The following HPSE2 variants were observed in gnomAD, a reference collection of about 807,000 sequenced individuals.
The protein encoded by HPSE2 is inactive heparanase-2.
Under a neutral mutation model 60.5 loss-of-function variants are expected in HPSE2, and 38 were observed. That is an observed-to-expected ratio of 0.63 (90% CI 0.48 to 0.82). The LOEUF is 0.82. HPSE2 is among the 40% of genes least tolerant of loss of function. The pLI is 0.00. For missense variants in HPSE2, 713 were observed against 740.4 expected, an observed-to-expected ratio of 0.96 and a Z score of 0.43; for synonymous variants, 295 against 293.2, an observed-to-expected ratio of 1.01 and a Z score of -0.06.
chr10:98,466,256 G>GT (rs2133591537), intron 11 of HPSE2, among the ~76,000 whole-genome samples: 2 of 152,324 alleles, frequency 1.3e-5, no homozygotes, highest in East Asian at 3.9e-4. Flanking sequence ...TTGGGAGCTG[G>GT]TGTGTAGTTC....
chr10:98,719,701 TAA>T (rs562725586), intron 5 of HPSE2, among the ~76,000 whole-genome samples: 33 of 107,220 alleles, frequency 3.1e-4, no homozygotes, highest in Non-Finnish European at 3.8e-4. Flanking sequence ...GATGTTGCAT[TAA>T]AAAAAAAAAA....
Position 98,475,419 on chromosome 10 carries a change from C to T in HPSE2, c.1613+7217G>A, listed in dbSNP as rs78610100. ...CAGGCGTGAGCCACCGTGCCCAGCC[C>T]GGGACCATAATTCTTTTAAAATTTT... On this transcript the variant is annotated intron_variant, in intron 11 of 11. Coordinates refer to ENST00000370552, the MANE Select transcript of HPSE2 (RefSeq NM_021828.5). 1.4e-3 allele frequency among the ~76,000 whole-genome samples: 220 copies of T among 152,004 alleles called. 2 individuals carry two copies. In the East Asian group the frequency reaches 0.035, roughly 24 times the overall value.
intron 8 of HPSE2, among the ~76,000 whole-genome samples, chr10:98,616,320 T>C (rs1264456918): frequency 6.6e-6 from 1 of 152,170 alleles, no homozygotes; most frequent in Non-Finnish European, 1.5e-5. Context: ...ATGTCTGAAC[T>C]TGTACCGCAA....
At chr10:98,874,557 C>T (rs183278937) in intron 3 of HPSE2, among the ~76,000 whole-genome samples, 1 of 152,074 alleles carries the variant, frequency 6.6e-6, no homozygotes, top group African/African-American at 2.4e-5. Flanking sequence ...TGTCTGCAAA[C>T]AGAGACAATT....
intron 2 of HPSE2, among the ~76,000 whole-genome samples, chr10:99,172,141 G>A (rs957843672): frequency 1.3e-5 from 2 of 152,342 alleles, no homozygotes; most frequent in East Asian, 3.9e-4. Context: ...CATCCAGATA[G>A]TGAGCCTAGT....
chr10:99,168,264 C>T (rs1257190569), intron 2 of HPSE2, among the ~76,000 whole-genome samples: 4 of 152,048 alleles, frequency 2.6e-5, no homozygotes, highest in Non-Finnish European at 5.9e-5. Flanking sequence ...TTATAATTTC[C>T]TCTATTAAAA....
At chr10:99,048,320 AT>A (rs879518478) in intron 3 of HPSE2, 1 of 407,932 alleles carries the variant, frequency 2.5e-6, no homozygotes, top group Non-Finnish European at 4.6e-6. Flanking sequence ...CACCCATTTT[AT>A]TTTTCTAAGC....
intron 3 of HPSE2, among the ~76,000 whole-genome samples, chr10:98,810,572 C>A (rs1320999059): frequency 1.3e-5 from 2 of 152,078 alleles, no homozygotes; most frequent in Non-Finnish European, 2.9e-5. Flanking sequence ...GTATGAGCTT[C>A]ATTAACTTCA....
At chr10:99,219,905 T>C (rs1200077985) in intron 2 of HPSE2, among the ~76,000 whole-genome samples, 1 of 152,244 alleles carries the variant, frequency 6.6e-6, no homozygotes, top group Non-Finnish European at 1.5e-5. Flanking sequence ...GTTGGCTGAT[T>C]AGTATTCAAA....
At chr10:99,195,840 C>G (rs1331884584) in intron 2 of HPSE2, among the ~76,000 whole-genome samples, 2 of 107,248 alleles carry the variant, frequency 1.9e-5, no homozygotes, top group African/African-American at 5.1e-5. Context: ...ACATTCTTCA[C>G]CAAAATAAAA....
chr10:98,492,221 T>C (rs536650233), intron 9 of HPSE2, among the ~76,000 whole-genome samples: 4 of 152,308 alleles, frequency 2.6e-5, no homozygotes, highest in African/African-American at 7.2e-5. Flanking sequence ...AAAAGAGATA[T>C]TATGTTTACG....
At chr10:99,177,042 A>T (rs1284218944) in intron 2 of HPSE2, among the ~76,000 whole-genome samples, 1 of 152,194 alleles carries the variant, frequency 6.6e-6, no homozygotes, top group Non-Finnish European at 1.5e-5. Context: ...GTGAAGAAGA[A>T]ATAAAATCCT....
intron 3 of HPSE2, among the ~76,000 whole-genome samples, chr10:99,135,245 C>T (rs1318333500): frequency 1.3e-5 from 2 of 152,118 alleles, no homozygotes; most frequent in African/African-American, 4.8e-5. Context: ...TAGACTCCCA[C>T]ACAATAACAG....
intron 7 of HPSE2, among the ~76,000 whole-genome samples, chr10:98,626,842 G>A (rs1163325714): frequency 1.3e-5 from 2 of 151,502 alleles, no homozygotes; most frequent in East Asian, 1.9e-4. Context: ...GTGCAATCTC[G>A]GCTCACTTGC....
intron 11 of HPSE2, among the ~76,000 whole-genome samples, chr10:98,467,984 C>T (rs1287435296): frequency 6.6e-6 from 1 of 152,218 alleles, no homozygotes; most frequent in African/African-American, 2.4e-5. Flanking sequence ...TGGGCTCTCC[C>T]GGGCTCCGGG....
chr10:99,084,051 G>T (rs999219511), intron 3 of HPSE2, among the ~76,000 whole-genome samples: 3 of 113,478 alleles, frequency 2.6e-5, no homozygotes, highest in African/African-American at 1.0e-4. Context: ...TCCCATTTTT[G>T]ATCTGAAACA....
chr10:98,464,541 C>T (rs1453598492), intron 11 of HPSE2, among the ~76,000 whole-genome samples: 5 of 152,164 alleles, frequency 3.3e-5, no homozygotes, highest in African/African-American at 1.2e-4. Flanking sequence ...TTTGGAGCCC[C>T]ACTTCTGGAC....
chr10:98,596,257 A>G (rs999434151), intron 9 of HPSE2, among the ~76,000 whole-genome samples: 1 of 152,188 alleles, frequency 6.6e-6, no homozygotes, highest in African/African-American at 2.4e-5. Flanking sequence ...CCCACATTTT[A>G]TAATTTTGAT....
chr10:99,100,338 G>C (rs1203718022), intron 3 of HPSE2, among the ~76,000 whole-genome samples: 1 of 152,148 alleles, frequency 6.6e-6, no homozygotes, highest in African/African-American at 2.4e-5. Context: ...AGAACTACAT[G>C]ACAAATACAT....
Sources: allele counts gnomAD v4.1 joint callset (sites outside exome capture counted in the v4.1 genomes callset), GRCh38; gene constraint gnomAD v4.1.1; transcripts MANE v1.5; gene names NCBI Gene and HGNC (gene_info 2026-07-23, HGNC 2026-07-21).